Variants in SETBP1 observed in about 807,000 individuals in gnomAD.
The protein encoded by SETBP1 is SET binding protein 1.
In SETBP1, 9 loss-of-function variants were observed where a neutral mutation model predicts 101.0. That is an observed-to-expected ratio of 0.09 (90% CI 0.05 to 0.16). The LOEUF is 0.16. Ranked by LOEUF, SETBP1 falls within the 10% of genes least tolerant of loss-of-function variation. SETBP1 has a pLI of 1.00. For synonymous variants in SETBP1, 818 were observed against 788.5 expected (o/e 1.04, Z -0.63); for missense variants, 1,858 against 2,033.8 (o/e 0.91, Z 1.66).
intron 3 of SETBP1, among the ~76,000 whole-genome samples, chr18:44,885,396 A>G (rs2069619087): frequency 1.3e-5 from 2 of 152,148 alleles, no homozygotes; most frequent in Admixed American, 1.3e-4. Context: ...AAGGGACTTA[A>G]TAGGCCATAG....
At chr18:45,002,729 G>A (rs970179823) in intron 4 of SETBP1, among the ~76,000 whole-genome samples, 1 of 152,144 alleles carries the variant, frequency 6.6e-6, no homozygotes, top group African/African-American at 2.4e-5. Context: ...TCAAACTTCA[G>A]CAACTCTCTC....
At chr18:44,695,546 A>G (rs535352612) in intron 1 of SETBP1, among the ~76,000 whole-genome samples, 13 of 152,378 alleles carry the variant, frequency 8.5e-5, no homozygotes, top group Admixed American at 5.2e-4. Flanking sequence ...TTCTAGCCTG[A>G]GAATTATCTG....
chr18:45,063,462 G>GCGCCGCCCCTGCCCCCGCCACCGC lies in SETBP1; in HGVS notation c.4569_4592dup (p.Pro1536_Pro1543dup). On this transcript the variant is annotated inframe_insertion, in exon 6 of 6. Transcript: ENST00000649279. ...GGCGGTCATCCACATGGCCCGGGAG[G>GCGCCGCCCCTGCCCCCGCCACCGC]CGCCGCCCCTGCCCCCGCCACCGCC... 1.4e-6 allele frequency: 2 copies of GCGCCGCCCCTGCCCCCGCCACCGC among 1,471,344 alleles called. No homozygotes were observed. The highest frequency in any genetic ancestry group is 1.8e-6 in the Non-Finnish European group (2 of 1,114,398). The allele number at this position is 1,471,344 out of a possible 1,614,324, so 91.1% of individuals were successfully genotyped here.
At chr18:44,893,241 T>C (rs1443694160) in intron 3 of SETBP1, among the ~76,000 whole-genome samples, 1 of 152,174 alleles carries the variant, frequency 6.6e-6, no homozygotes, top group Non-Finnish European at 1.5e-5. Context: ...TTTAAAGTAG[T>C]ACTAGATAAC....
chr18:44,712,291 C>T (rs921075460), intron 2 of SETBP1, among the ~76,000 whole-genome samples: 1 of 152,222 alleles, frequency 6.6e-6, no homozygotes, highest in African/African-American at 2.4e-5. Flanking sequence ...AGATAGAGAG[C>T]AGCTCTGTCC....
At chr18:44,692,230 T>C (rs1322606987) in intron 1 of SETBP1, among the ~76,000 whole-genome samples, 1 of 152,248 alleles carries the variant, frequency 6.6e-6, no homozygotes, top group Admixed American at 6.5e-5. Flanking sequence ...CAAAAAAGTT[T>C]GCACACTTAC....
intron 2 of SETBP1, among the ~76,000 whole-genome samples, chr18:44,799,581 A>C (rs1056245783): frequency 7.3e-5 from 11 of 150,988 alleles, no homozygotes; most frequent in Non-Finnish European, 1.6e-4. Context: ...GCAGCATCAC[A>C]GGGATAGTAA....
intron 4 of SETBP1, among the ~76,000 whole-genome samples, chr18:45,008,874 G>A (rs1023063637): frequency 6.6e-6 from 1 of 152,174 alleles, no homozygotes; most frequent in African/African-American, 2.4e-5. Context: ...TGGGTTTGAA[G>A]CTGATGAGTG....
chr18:44,961,753 C>G (rs927325794), intron 4 of SETBP1, among the ~76,000 whole-genome samples: 1 of 152,212 alleles, frequency 6.6e-6, no homozygotes, highest in Non-Finnish European at 1.5e-5. Flanking sequence ...CCCTGCCTCA[C>G]AGACACACAG....
At chr18:44,961,471 G>A (rs544484040) in intron 4 of SETBP1, among the ~76,000 whole-genome samples, 3 of 152,294 alleles carry the variant, frequency 2.0e-5, no homozygotes, top group African/African-American at 7.2e-5. Flanking sequence ...TGCAGGTGCA[G>A]AAAATGAAAA....
chr18:44,842,371 A>G (rs987515054), intron 2 of SETBP1, among the ~76,000 whole-genome samples: 3 of 152,196 alleles, frequency 2.0e-5, no homozygotes, highest in Non-Finnish European at 2.9e-5. Context: ...TTTTAAAAGC[A>G]TTGTTAAATC....
chr18:44,882,003 C>A (rs2069540793), intron 3 of SETBP1, among the ~76,000 whole-genome samples: 1 of 152,008 alleles, frequency 6.6e-6, no homozygotes, highest in Non-Finnish European at 1.5e-5. Flanking sequence ...GAGAGACTTG[C>A]CAAGAGTTCA....
intron 3 of SETBP1, among the ~76,000 whole-genome samples, chr18:44,935,866 C>G (rs1279176141): frequency 1.3e-5 from 2 of 152,164 alleles, no homozygotes; most frequent in Non-Finnish European, 2.9e-5. Flanking sequence ...CAAGGGGCTA[C>G]AGGTTTTTAC....
intron 2 of SETBP1, among the ~76,000 whole-genome samples, chr18:44,740,235 T>C (rs1320505813): frequency 6.6e-6 from 1 of 152,184 alleles, no homozygotes; most frequent in Non-Finnish European, 1.5e-5. Context: ...GGTATTTGCC[T>C]ACTACTCTGC....
chr18:44,962,440 T>C (rs974792304), intron 4 of SETBP1, among the ~76,000 whole-genome samples: 5 of 152,018 alleles, frequency 3.3e-5, no homozygotes, highest in African/African-American at 9.7e-5. Context: ...GGGTGCTGAG[T>C]GTGAGATGTT....
At chr18:44,817,610 G>C (rs1011457403) in intron 2 of SETBP1, among the ~76,000 whole-genome samples, 4 of 151,688 alleles carry the variant, frequency 2.6e-5, no homozygotes, top group Non-Finnish European at 1.5e-5. Context: ...TCTTGAACCC[G>C]GGAGGCAGAG....
At chr18:44,788,656 G>A (rs1022963974) in intron 2 of SETBP1, among the ~76,000 whole-genome samples, 1 of 151,956 alleles carries the variant, frequency 6.6e-6, no homozygotes, top group African/African-American at 2.4e-5. Flanking sequence ...GAGCAGAATT[G>A]TTTATGGAAA....
chr18:44,934,736 G>A (rs1391820130), intron 3 of SETBP1, among the ~76,000 whole-genome samples: 2 of 152,146 alleles, frequency 1.3e-5, no homozygotes, highest in South Asian at 2.1e-4. Flanking sequence ...GAGAGGTAAA[G>A]CAACTTGCCC....
intron 2 of SETBP1, among the ~76,000 whole-genome samples, chr18:44,859,702 A>G (rs564232048): frequency 3.9e-5 from 6 of 152,346 alleles, no homozygotes; most frequent in African/African-American, 1.4e-4. Context: ...AAGAACAGGC[A>G]AAAGTAGGTC....
Sources: gnomAD v4.1 joint callset for allele counts (sites outside exome capture counted in the v4.1 genomes callset) on GRCh38, gnomAD v4.1.1 for gene constraint, MANE v1.5 for transcripts, NCBI Gene and HGNC (gene_info 2026-07-23, HGNC 2026-07-21) for gene names.